The following DDX60 variants were observed in gnomAD, a reference collection of about 807,000 sequenced individuals.
The protein encoded by DDX60 is probable ATP-dependent RNA helicase DDX60.
DDX60 carries 165 observed loss-of-function variants against 212.8 expected under a neutral mutation model. The ratio of observed to expected loss-of-function variants is 0.78; its 90% CI spans 0.68 to 0.88. The LOEUF is 0.88. DDX60 is among the 40% of genes least tolerant of loss of function. DDX60 has a pLI of 0.00. For synonymous variants in DDX60, 703 were observed against 685.3 expected (o/e 1.03, Z -0.40); for missense variants, 1,905 against 2,003.9 (o/e 0.95, Z 0.94).
chr4:168,253,964 G>T (rs1326061604), intron 26 of DDX60, among the ~76,000 whole-genome samples: 1 of 152,164 alleles, frequency 6.6e-6, no homozygotes, highest in Non-Finnish European at 1.5e-5. Context: ...GTGCTCACTT[G>T]TATGTCATCA....
chr4:168,281,326 T>C (rs1181820070), intron 13 of DDX60, among the ~76,000 whole-genome samples: 2 of 152,196 alleles, frequency 1.3e-5, no homozygotes, highest in African/African-American at 4.8e-5. Flanking sequence ...AAGCTTTCCC[T>C]GACTCTCCCA....
At chr4:168,308,649 T>C (rs1579084276) in intron 3 of DDX60, among the ~76,000 whole-genome samples, 2 of 149,024 alleles carry the variant, frequency 1.3e-5, no homozygotes, top group Non-Finnish European at 3.0e-5. Context: ...ATAGTGTACA[T>C]AGTTCTATAT....
rs1425825271 is a variant in DDX60, at chr4:168,289,125, T to G, written c.1042-810A>C. ...CATAGCTGAGTCCAAGTTTTTCCTT[T>G]GCAAAATGAGGACATAAGAGGATCG... On this transcript the variant is annotated intron_variant, in intron 8 of 37. Transcript: ENST00000393743. Among the ~76,000 whole-genome samples, 3 of 152,202 alleles carry G rather than the reference T, an allele frequency of 2.0e-5. No individual in the cohort carries two copies. The East Asian group carries it at 5.8e-4, about 29-fold the overall frequency.
chr4:168,255,831 A>C lies in DDX60; in HGVS notation c.3437T>G (p.Val1146Gly). ...CTGCTTTTTCTTTAGGAAAGTGCTCACACTTTCAGCTGCGTTTTCTACAGC... is the reference window on the plus strand; with the variant it reads ...CTGCTTTTTCTTTAGGAAAGTGCTCCCACTTTCAGCTGCGTTTTCTACAGC... ...LGAVENAAES[V>G]STFLKKKQET... The change falls in exon 26 of 38, where the codon GTG (valine) becomes GGG (glycine). Residue 1146 changes from valine (V) to glycine (G), a missense_variant. By Grantham distance (109) the Val-to-Gly change is moderately radical (BLOSUM62 -3). Transcript: ENST00000393743. 1 of 1,602,004 alleles carries C rather than the reference A, an allele frequency of 6.2e-7. No individual in the cohort carries two copies.
At chr4:168,286,790 T>C (rs1429967292) in intron 10 of DDX60, among the ~76,000 whole-genome samples, 2 of 152,194 alleles carry the variant, frequency 1.3e-5, no homozygotes, top group Admixed American at 6.5e-5. Context: ...AACTGCCATA[T>C]TGCTGGAAAT....
Position 168,255,745 on chromosome 4 carries a change from T to G in DDX60, c.3523A>C (p.Lys1175Gln). The stretch of plus-strand genomic sequence containing the variant: ...TGTTTCTCTATGGATTTTTTAACTT[T>G]TCGAAGTTTGTTAGCCATGACATGG... ...EAHVMANKLR[K>Q]VKKSIEKQKI... The change falls in exon 26 of 38, where the codon AAA (lysine) becomes CAA (glutamine). Residue 1175 changes from lysine (K) to glutamine (Q), a missense_variant. Lys to Gln is a moderately conservative substitution (Grantham distance 53, BLOSUM62 1). Coordinates refer to ENST00000393743, the MANE Select transcript of DDX60 (RefSeq NM_017631.6). 1 of 1,591,618 alleles carries G rather than the reference T, an allele frequency of 6.3e-7. No homozygotes were observed. The highest frequency in any genetic ancestry group is 1.2e-5 in the South Asian group (1 of 85,730).
intron 30 of DDX60, among the ~76,000 whole-genome samples, chr4:168,239,413 G>GAT (rs1463795627): frequency 1.3e-5 from 2 of 151,214 alleles, no homozygotes; most frequent in African/African-American, 2.4e-5. Context: ...TAGATAGATA[G>GAT]AGGTAGGTAG....
Position 168,288,325 on chromosome 4 carries a change from G to A in DDX60, c.1042-10C>T, listed in dbSNP as rs1735950163. 3 of 1,452,648 alleles carry A rather than the reference G, an allele frequency of 2.1e-6. No homozygotes were observed. The highest frequency in any genetic ancestry group is 2.8e-6 in the Non-Finnish European group (3 of 1,064,662). 90.0% of individuals were successfully genotyped at this position (1,452,648 alleles called of 1,614,324 possible). On this transcript the variant is annotated splice_polypyrimidine_tract_variant and intron_variant, in intron 8 of 37. Coordinates refer to ENST00000393743, the MANE Select transcript of DDX60 (RefSeq NM_017631.6). Reference sequence around the variant, plus strand: ...ATTCACACCACTTTTTCTGAAAATTGAAAAGAAAACCAAGTTATTGGCAAT... The same window carrying A: ...ATTCACACCACTTTTTCTGAAAATTAAAAAGAAAACCAAGTTATTGGCAAT...
intron 30 of DDX60, among the ~76,000 whole-genome samples, chr4:168,245,737 G>A (rs780277779): frequency 6.6e-6 from 1 of 152,160 alleles, no homozygotes; most frequent in Non-Finnish European, 1.5e-5. Context: ...CCATAAAGAT[G>A]AGAATCAAAT....
intron 3 of DDX60, 28 bp from the exon 4 acceptor site, chr4:168,308,223 A>G: frequency 7.7e-7 from 1 of 1,305,720 alleles, no homozygotes; most frequent in Non-Finnish European, 1.1e-6. Flanking sequence ...TAAAACAAAA[A>G]TCACATATGC....
intron 6 of DDX60, 128 bp from the exon 7 acceptor site, chr4:168,294,073 C>T (rs983673761): frequency 2.9e-5 from 22 of 749,016 alleles, no homozygotes; most frequent in Middle Eastern, 6.9e-4. Context: ...AACAAACCCC[C>T]GTGACACAAG....
At position 168,306,691 on chromosome 4, in the gene DDX60, A is replaced by G. The variant is rs146136022; in HGVS notation, c.294T>C (p.Pro98=). The change falls in exon 5 of 38, where the codon CCT becomes CCC. Residue 98 remains proline (P), a synonymous_variant. Coordinates refer to ENST00000393743, the MANE Select transcript of DDX60 (RefSeq NM_017631.6). The part of the protein sequence containing the change: ...KDAEYAYFNF[P]ELLSLRTALI... ...AAGCAGTTCTCAAAGAAAGAAGTTC[A>G]GGGAAGTTGAAATACGCATACTCGG... The G allele has an allele frequency of 6.2e-6, 10 of 1,613,376 alleles. No individual in the cohort carries two copies. The highest frequency in any genetic ancestry group is 2.7e-5 in the African/African-American group (2 of 74,918).
chr4:168,306,457 T>G lies in DDX60; in HGVS notation c.528A>C (p.Ser176=). The G allele has an allele frequency of 1.2e-6, 2 of 1,614,176 alleles. No individual in the cohort carries two copies. The highest frequency in any genetic ancestry group is 1.7e-6 in the Non-Finnish European group (2 of 1,180,022). ...WARKVNVVLS[S]GQESDVLCLY... ...GGCAAAGAACATCAGATTCTTGCCC[T>G]GAGGAAAGTACAACGTTGACCTTCC... The change falls in exon 5 of 38, where the codon TCA becomes TCC. Residue 176 remains serine, a synonymous_variant. Transcript: ENST00000393743.
At chr4:168,288,124 T>C (rs1039832311) in intron 9 of DDX60, 50 bp downstream of exon 9, 8 of 1,213,176 alleles carry the variant, frequency 6.6e-6, no homozygotes, top group African/African-American at 6.4e-5. Flanking sequence ...AAATTCCTTA[T>C]AAAGTTTATC....
chr4:168,289,716 G>C (rs1415302858), intron 8 of DDX60, among the ~76,000 whole-genome samples: 1 of 152,130 alleles, frequency 6.6e-6, no homozygotes, highest in East Asian at 1.9e-4. Context: ...TTCATACAAT[G>C]ACGGCATCCC....
intron 19 of DDX60, among the ~76,000 whole-genome samples, chr4:168,269,816 T>C (rs1236471326): frequency 6.6e-6 from 1 of 152,196 alleles, no homozygotes; most frequent in Non-Finnish European, 1.5e-5. Flanking sequence ...TCTTTGTTCC[T>C]TGAACTCACC....
chr4:168,313,909 G>A (rs1027359078), intron 1 of DDX60, among the ~76,000 whole-genome samples: 12 of 152,152 alleles, frequency 7.9e-5, no homozygotes, highest in Admixed American at 3.3e-4. Flanking sequence ...TGACTGAGAC[G>A]TGAGTGCCCG....
chr4:168,249,354 T>C (rs1251019252), intron 28 of DDX60, among the ~76,000 whole-genome samples: 1 of 152,208 alleles, frequency 6.6e-6, no homozygotes, highest in Non-Finnish European at 1.5e-5. Flanking sequence ...TTGATTGTCA[T>C]ACATGCCAAT....
chr4:168,303,026 G>A (rs1736713388), intron 5 of DDX60, among the ~76,000 whole-genome samples: 1 of 151,884 alleles, frequency 6.6e-6, no homozygotes, highest in African/African-American at 2.4e-5. Context: ...TATTCAGCCG[G>A]GCTCGGTGGC....
Sources: allele counts gnomAD v4.1 joint callset (sites outside exome capture counted in the v4.1 genomes callset), GRCh38; gene constraint gnomAD v4.1.1; transcripts MANE v1.5; gene names NCBI Gene and HGNC (gene_info 2026-07-23, HGNC 2026-07-21).